Variants in CDH12 observed in about 807,000 individuals in gnomAD.
CDH12 encodes cadherin-12.
A neutral mutation model predicts 74.1 loss-of-function variants in CDH12; 41 were observed. That is an observed-to-expected ratio of 0.55 (90% CI 0.43 to 0.72). CDH12 has a LOEUF of 0.72. CDH12 is among the 30% of genes least tolerant of loss of function. The pLI, the probability that CDH12 is intolerant of heterozygous loss-of-function variation, is 0.00. For missense variants in CDH12, 945 were observed against 977.2 expected (o/e 0.97, Z 0.44); for synonymous variants, 399 against 355.0 (o/e 1.12, Z -1.39).
intron 1 of CDH12, among the ~76,000 whole-genome samples, chr5:22,762,733 T>C (rs924285571): frequency 2.0e-5 from 3 of 152,086 alleles, no homozygotes; most frequent in Non-Finnish European, 4.4e-5. Context: ...GAAATTCCTA[T>C]AAATACATTC....
chr5:21,822,670 AGG>A (rs1748438497), intron 8 of CDH12, among the ~76,000 whole-genome samples: 1 of 152,108 alleles, frequency 6.6e-6, no homozygotes, highest in African/African-American at 2.4e-5. Flanking sequence ...GGATGAGGCT[AGG>A]ATGGGCATAG....
In CDH12 at chr5:22,397,986, G is replaced by T. The variant is rs114015011; in HGVS notation, c.-333+7271C>A. Among the ~76,000 whole-genome samples, 611 of 152,032 alleles carry T rather than the reference G, an allele frequency of 4.0e-3. 5 individuals carry two copies. The highest frequency in any genetic ancestry group is 0.014 in the African/African-American group (587 of 41,480). Reference sequence around the variant, plus strand: ...CTTGATCTTGGAATTCTAGCCTCCAGGATTTTAATAAAATGAAGATATATT... The same window carrying T: ...CTTGATCTTGGAATTCTAGCCTCCATGATTTTAATAAAATGAAGATATATT... On this transcript the variant is annotated intron_variant, in intron 3 of 14. Transcript: ENST00000382254.
Position 22,557,489 on chromosome 5 carries a change from C to T in CDH12, c.-522-52125G>A, listed in dbSNP as rs568196506. On this transcript the variant is annotated intron_variant, in intron 1 of 14. Coordinates refer to ENST00000382254, the MANE Select transcript of CDH12 (RefSeq NM_004061.5). ...CAGCAATTCTGGCAAAGATAATGTG[C>T]ATTGGAAGTGATCTATAAACCAACA... Among the ~76,000 whole-genome samples the T allele has an allele frequency of 2.6e-5, 4 of 152,030 alleles. No homozygotes were observed. The East Asian group carries it at 7.8e-4, about 29-fold the overall frequency.
intron 6 of CDH12, among the ~76,000 whole-genome samples, chr5:21,878,857 GAA>G (rs982252801): frequency 3.8e-4 from 51 of 132,682 alleles, no homozygotes; most frequent in African/African-American, 1.5e-3. Flanking sequence ...GAGAGAGAGA[GAA>G]AGAAAGAAAG....
At chr5:22,555,315 A>T (rs991375032) in intron 1 of CDH12, among the ~76,000 whole-genome samples, 1 of 152,062 alleles carries the variant, frequency 6.6e-6, no homozygotes, top group African/African-American at 2.4e-5. Context: ...ATAATCAAAG[A>T]TAAATAAACT....
chr5:22,096,089 T>C (rs1743764483), intron 4 of CDH12, among the ~76,000 whole-genome samples: 1 of 151,864 alleles, frequency 6.6e-6, no homozygotes, highest in African/African-American at 2.4e-5. Context: ...TCCTTCACTA[T>C]GGGCAACCCT....
chr5:21,825,451 TTCTTCTC>T (rs1748617950), intron 8 of CDH12, among the ~76,000 whole-genome samples: 1 of 152,190 alleles, frequency 6.6e-6, no homozygotes, highest in South Asian at 2.1e-4. Context: ...ACTCAATACT[TTCTTCTC>T]AATAGAGTTA....
At chr5:22,417,534 C>A (rs890987765) in intron 2 of CDH12, among the ~76,000 whole-genome samples, 4 of 152,194 alleles carry the variant, frequency 2.6e-5, no homozygotes, top group African/African-American at 7.2e-5. Flanking sequence ...TTCCTTCATC[C>A]TGGACTTCCC....
At chr5:21,868,821 T>C (rs774101134) in intron 6 of CDH12, among the ~76,000 whole-genome samples, 19 of 152,194 alleles carry the variant, frequency 1.2e-4, no homozygotes, top group Non-Finnish European at 2.6e-4. Context: ...TTGGAGTTGA[T>C]GTTGGAACAA....
At chr5:22,472,386 T>C (rs533332312) in intron 2 of CDH12, among the ~76,000 whole-genome samples, 53 of 152,172 alleles carry the variant, frequency 3.5e-4, no homozygotes, top group African/African-American at 1.3e-3. Flanking sequence ...CTCTCTAAAT[T>C]TACTTCCTTA....
intron 1 of CDH12, among the ~76,000 whole-genome samples, chr5:22,683,435 A>T (rs766625271): frequency 2.0e-5 from 3 of 152,184 alleles, no homozygotes; most frequent in Non-Finnish European, 2.9e-5. Context: ...TAGGTAAGAA[A>T]GAGTAGCAAT....
intron 1 of CDH12, among the ~76,000 whole-genome samples, chr5:22,800,040 G>A (rs946012660): frequency 9.2e-5 from 14 of 152,270 alleles, no homozygotes; most frequent in African/African-American, 2.9e-4. Context: ...ATAAATGCTA[G>A]GAAAGAGGTC....
intron 2 of CDH12, among the ~76,000 whole-genome samples, chr5:22,492,228 G>T (rs1050725595): frequency 6.6e-6 from 1 of 152,078 alleles, no homozygotes; most frequent in African/African-American, 2.4e-5. Context: ...AAGAGAAGCT[G>T]CAGGGCAGGA....
intron 4 of CDH12, among the ~76,000 whole-genome samples, chr5:22,092,950 T>C (rs532506228): frequency 5.3e-5 from 8 of 152,320 alleles, no homozygotes; most frequent in African/African-American, 1.9e-4. Context: ...GATGTCACTG[T>C]GAGAAGCAGT....
At chr5:21,845,780 C>G (rs1750133805) in intron 7 of CDH12, among the ~76,000 whole-genome samples, 1 of 151,970 alleles carries the variant, frequency 6.6e-6, no homozygotes, top group Non-Finnish European at 1.5e-5. Context: ...ATGTCTGGCT[C>G]AGAGTGATAA....
intron 4 of CDH12, among the ~76,000 whole-genome samples, chr5:22,182,891 G>A (rs891388187): frequency 3.9e-4 from 59 of 152,032 alleles, no homozygotes; most frequent in African/African-American, 1.1e-3. Flanking sequence ...AGAAGATAGC[G>A]ATGAAGCATT....
At chr5:22,758,142 G>A (rs1035446180) in intron 1 of CDH12, among the ~76,000 whole-genome samples, 6 of 152,138 alleles carry the variant, frequency 3.9e-5, no homozygotes, top group East Asian at 1.9e-4. Flanking sequence ...AGGAGCTCTC[G>A]TCATCTAACT....
chr5:22,217,206 AG>A (rs1195615516), intron 3 of CDH12, among the ~76,000 whole-genome samples: 1 of 151,832 alleles, frequency 6.6e-6, no homozygotes, highest in Non-Finnish European at 1.5e-5. Flanking sequence ...TGCTAAGGTC[AG>A]GAATATTCTT....
intron 3 of CDH12, among the ~76,000 whole-genome samples, chr5:22,334,382 C>T (rs1739480255): frequency 6.6e-6 from 1 of 151,800 alleles, no homozygotes; most frequent in Admixed American, 6.6e-5. Flanking sequence ...AATGAAATTC[C>T]ATGTTCATGG....
Sources: allele counts gnomAD v4.1 joint callset (sites outside exome capture counted in the v4.1 genomes callset), GRCh38; gene constraint gnomAD v4.1.1; transcripts MANE v1.5; gene names NCBI Gene and HGNC (gene_info 2026-07-23, HGNC 2026-07-21).